ALDH6A1: variants seen among roughly 807,000 people sequenced by gnomAD.
ALDH6A1 encodes the protein methylmalonate-semialdehyde/malonate-semialdehyde dehydrogenase [acylating], mitochondrial.
ALDH6A1 carries 43 observed loss-of-function variants against 62.6 expected under a neutral mutation model. That is an observed-to-expected ratio of 0.69 (90% CI 0.54 to 0.89). The LOEUF (loss-of-function observed/expected upper bound fraction) is 0.89, where lower values mean the gene tolerates loss of function less well. Among genes scored for constraint, ALDH6A1 ranks in the 40% least tolerant of loss-of-function variants. The pLI is 0.00. For missense variants in ALDH6A1, 551 were observed against 661.3 expected (o/e 0.83, Z 1.83); for synonymous variants, 194 against 234.2 (o/e 0.83, Z 1.57).
rs750589306 is a variant in ALDH6A1 at position 74,068,932 on chromosome 14, C to T, written c.780G>A (p.Val260=). ...TATACTCTCCTGCCTTGTTGGATCC[C>T]ACAAAGCTGATTGCTTTGATGTCCG... is the stretch of plus-strand genomic sequence containing the variant. ...DHPDIKAISF[V]GSNKAGEYIF... The change falls in exon 7 of 12, where the codon GTG becomes GTA. Residue 260 remains valine, a synonymous_variant. Coordinates refer to ENST00000553458, the MANE Select transcript of ALDH6A1 (RefSeq NM_005589.4). 8 of 1,613,782 alleles carry T rather than the reference C, an allele frequency of 5.0e-6. No individual in the cohort carries two copies. Among genetic ancestry groups the T allele is most frequent in the Non-Finnish European group, 6.8e-6 (8 of 1,179,918 alleles).
chr14:74,068,748 G>T (rs1595120964), intron 7 of ALDH6A1, 112 bp downstream of exon 7: 2 of 1,325,884 alleles, frequency 1.5e-6, no homozygotes, highest in East Asian at 4.9e-5. Flanking sequence ...TCAAAAAAAA[G>T]AAAGAAACAC....
At chr14:74,064,428 A>T (rs2060424802) in intron 11 of ALDH6A1, among the ~76,000 whole-genome samples, 1 of 152,174 alleles carries the variant, frequency 6.6e-6, no homozygotes, top group Non-Finnish European at 1.5e-5. Context: ...CTGGGGTCAC[A>T]CTACCCAGCA....
At chr14:74,076,518 C>A (rs4899492) in intron 1 of ALDH6A1, among the ~76,000 whole-genome samples, 1 of 151,466 alleles carries the variant, frequency 6.6e-6, no homozygotes. Flanking sequence ...TCTGCCACCA[C>A]GCCCAGCTAA....
chr14:74,063,128 T>C (rs925135210), intron 11 of ALDH6A1, among the ~76,000 whole-genome samples: 1 of 152,146 alleles, frequency 6.6e-6, no homozygotes, highest in African/African-American at 2.4e-5. Context: ...GAATGTGCCA[T>C]GCTTCTTCCT....
intron 1 of ALDH6A1, among the ~76,000 whole-genome samples, chr14:74,076,535 TTTTATTTA>T (rs2060615060): frequency 1.3e-5 from 2 of 151,532 alleles, no homozygotes; most frequent in South Asian, 4.2e-4. Context: ...CTAATTTTCT[TTTTATTTA>T]TTTATTTTTT....
chr14:74,062,839 C>T (rs979280429), intron 11 of ALDH6A1, among the ~76,000 whole-genome samples: 7 of 152,144 alleles, frequency 4.6e-5, no homozygotes, highest in Admixed American at 3.3e-4. Flanking sequence ...AAAGGGGAGA[C>T]TTGTATAACA....
rs531931301 is a variant in ALDH6A1, at chr14:74,058,638, A to G, written c.*2004T>C. 5.9e-5 allele frequency: 9 copies of G among 151,642 alleles called. No homozygotes were observed. The highest frequency in any genetic ancestry group is 1.3e-4 in the Non-Finnish European group (9 of 67,898). 9.4% of individuals were successfully genotyped at this position (151,642 alleles called of 1,614,324 possible). A position where few individuals can be genotyped will look rare whatever the true frequency, so the allele number is the denominator to read the frequency against. On this transcript the variant is annotated 3_prime_UTR_variant, in exon 12 of 12. Coordinates refer to ENST00000553458, the MANE Select transcript of ALDH6A1 (RefSeq NM_005589.4). ...TACTTAATTCATGAATAACCCCCAT[A>G]GTGTAGGTTAGTTAGCACTATCAAA...
Position 74,060,408 on chromosome 14 carries a change from G to T in ALDH6A1, c.*234C>A. 1.9e-6 allele frequency: 1 copy of T among 520,224 alleles called. No individual in the cohort carries two copies. Among genetic ancestry groups the T allele is most frequent in the Non-Finnish European group, 3.5e-6 (1 of 287,596 alleles). The allele number at this position is 520,224 out of a possible 1,614,324, so 32.2% of individuals were successfully genotyped here. A position where few individuals can be genotyped will look rare whatever the true frequency, so the allele number is the denominator to read the frequency against. On this transcript the variant is annotated 3_prime_UTR_variant, in exon 12 of 12. Coordinates refer to ENST00000553458, the MANE Select transcript of ALDH6A1 (RefSeq NM_005589.4). ...ACTACTTTCAGATAAGCATTTCATAGTTACAACAGTTACCTCAAAATAGAA... is the reference window on the plus strand; with the variant it reads ...ACTACTTTCAGATAAGCATTTCATATTTACAACAGTTACCTCAAAATAGAA...
At chr14:74,068,306 G>A (rs1475414823) in intron 7 of ALDH6A1, among the ~76,000 whole-genome samples, 5 of 152,064 alleles carry the variant, frequency 3.3e-5, no homozygotes, top group African/African-American at 1.2e-4. Context: ...TAGAACCTGG[G>A]AGGTGGAGGT....
chr14:74,069,230 A>G (rs2060516170), intron 6 of ALDH6A1: 1 of 391,786 alleles, frequency 2.6e-6, no homozygotes. Context: ...CAGCCTCCCA[A>G]GCAGCTGGGA....
At chr14:74,063,192 T>TC (rs1418578605) in intron 11 of ALDH6A1, among the ~76,000 whole-genome samples, 1 of 116,118 alleles carries the variant, frequency 8.6e-6, no homozygotes, top group Non-Finnish European at 2.1e-5. Flanking sequence ...TAATTCTTCT[T>TC]TTTTTTTTTT....
rs767592524 is a variant in ALDH6A1, at chr14:74,056,987, G to A, written c.*3655C>T. The A allele has an allele frequency of 1.2e-6, 2 of 1,611,422 alleles. No individual in the cohort carries two copies. Among genetic ancestry groups the A allele is most frequent in the East Asian group, 2.2e-5 (1 of 44,856 alleles). On this transcript the variant is annotated 3_prime_UTR_variant, in exon 12 of 12. Coordinates refer to ENST00000553458, the MANE Select transcript of ALDH6A1 (RefSeq NM_005589.4). ...GGGAAACAAAGGAATTTGGGTAAGA[G>A]CTCTCTTGCTTAAGTAATAAACATG... is the stretch of plus-strand genomic sequence containing the variant.
intron 1 of ALDH6A1, among the ~76,000 whole-genome samples, chr14:74,077,500 T>C (rs2060624788): frequency 6.6e-6 from 1 of 152,168 alleles, no homozygotes; most frequent in Admixed American, 6.6e-5. Context: ...TGTGTCATAA[T>C]ATAACAGAGA....
Position 74,057,219 on chromosome 14 carries a change from G to A in ALDH6A1, c.*3423C>T, listed in dbSNP as rs753494464. ...TATCAGACTCTTCTGGTGAAGTGGT[G>A]CTACCCACTATTCCAAAAGAACCTC... On this transcript the variant is annotated 3_prime_UTR_variant, in exon 12 of 12. Coordinates refer to ENST00000553458, the MANE Select transcript of ALDH6A1 (RefSeq NM_005589.4). 1 of 1,613,834 alleles carries A rather than the reference G, an allele frequency of 6.2e-7. No homozygotes were observed. Among genetic ancestry groups the A allele is most frequent in the Non-Finnish European group, 8.5e-7 (1 of 1,179,770 alleles).
chr14:74,062,065 A>G (rs987671793), intron 11 of ALDH6A1, among the ~76,000 whole-genome samples: 9 of 139,016 alleles, frequency 6.5e-5, no homozygotes, highest in South Asian at 2.2e-4. Context: ...AAAAAAAAAA[A>G]AAAAAAAAAA....
chr14:74,069,611 A>G (rs576013060), intron 6 of ALDH6A1, among the ~76,000 whole-genome samples: 27 of 151,496 alleles, frequency 1.8e-4, no homozygotes, highest in Admixed American at 2.0e-4. Context: ...AAATTAGCCA[A>G]ATGTGGTGGT....
chr14:74,071,055 A>G lies in ALDH6A1; in HGVS notation c.730+140T>C, dbSNP rs2060542254. On this transcript the variant is annotated intron_variant, in intron 6 of 11. Transcript: ENST00000553458. Reference sequence around the variant, plus strand: ...CTTGGCGCACAAAGATGGCAAAATCATCAACAAACATGGAGGTTAAAATGA... The same window carrying G: ...CTTGGCGCACAAAGATGGCAAAATCGTCAACAAACATGGAGGTTAAAATGA... The G allele has an allele frequency of 1.1e-5, 10 of 897,262 alleles. No homozygotes were observed. In the Admixed American group the frequency reaches 1.5e-4, roughly 13 times the overall value. The allele number at this position is 897,262 out of a possible 1,614,324, so 55.6% of individuals were successfully genotyped here.
At chr14:74,073,564 T>C (rs2060577552) in intron 2 of ALDH6A1, among the ~76,000 whole-genome samples, 1 of 152,212 alleles carries the variant, frequency 6.6e-6, no homozygotes, top group Admixed American at 6.5e-5. Flanking sequence ...AGATTAGCTA[T>C]TATGACTTTT....
intron 1 of ALDH6A1, among the ~76,000 whole-genome samples, chr14:74,076,736 G>C (rs1354106165): frequency 6.6e-6 from 1 of 152,016 alleles, no homozygotes; most frequent in African/African-American, 2.4e-5. Context: ...TTTTAGTAGA[G>C]ATGGGGTTTC....
Sources: allele counts gnomAD v4.1 joint callset (sites outside exome capture counted in the v4.1 genomes callset), GRCh38; gene constraint gnomAD v4.1.1; transcripts MANE v1.5; gene names NCBI Gene and HGNC (gene_info 2026-07-23, HGNC 2026-07-21).